The following MLLT10 variants were observed in gnomAD, a reference collection of about 807,000 sequenced individuals.
The protein encoded by MLLT10 is protein AF-10.
Under a neutral mutation model 129.1 loss-of-function variants are expected in MLLT10, and 30 were observed. That is an observed-to-expected ratio of 0.23 (90% CI 0.17 to 0.32). The LOEUF (loss-of-function observed/expected upper bound fraction) is 0.32, where lower values mean the gene tolerates loss of function less well. Among genes scored for constraint, MLLT10 ranks in the 10% least tolerant of loss-of-function variants. The pLI is 1.00. For missense variants in MLLT10, 1,119 were observed against 1,268.3 expected (o/e 0.88, Z 1.79); for synonymous variants, 490 against 446.4 (o/e 1.10, Z -1.23).
chr10:21,680,373 T>A (rs1373458235), intron 11 of MLLT10, among the ~76,000 whole-genome samples: 1 of 151,812 alleles, frequency 6.6e-6, no homozygotes, highest in Non-Finnish European at 1.5e-5. Context: ...GCCCGGCTAA[T>A]TTTTGTATTT....
At chr10:21,738,459 ATTGC>A in intron 21 of MLLT10, 1 of 1,289,028 alleles carries the variant, frequency 7.8e-7, no homozygotes, top group Non-Finnish European at 1.0e-6. Context: ...AGCACAAATT[ATTGC>A]TTGGAGACCA....
chr10:21,673,318 C>CAGTT, intron 10 of MLLT10, 32 bp from the exon 11 acceptor site: 2 of 307,336 alleles, frequency 6.5e-6, no homozygotes, highest in South Asian at 7.0e-5. Flanking sequence ...CACCCCCCAA[C>CAGTT]TTTTTTTTTT....
At chr10:21,709,490 C>G (rs982833297) in intron 13 of MLLT10, among the ~76,000 whole-genome samples, 1 of 152,140 alleles carries the variant, frequency 6.6e-6, no homozygotes, top group African/African-American at 2.4e-5. Flanking sequence ...CTCGGCCTTC[C>G]GAAGTGCTGG....
At chr10:21,533,801 C>T (rs933057190), upstream of MLLT10, among the ~76,000 whole-genome samples, 6 of 152,228 alleles carry the variant, frequency 3.9e-5, no homozygotes, top group Admixed American at 2.6e-4. Context: ...TCGCCCCACC[C>T]TCGTTTTCCA....
chr10:21,722,990 T>G (rs1270743379), intron 14 of MLLT10, among the ~76,000 whole-genome samples: 1 of 152,202 alleles, frequency 6.6e-6, no homozygotes, highest in African/African-American at 2.4e-5. Flanking sequence ...CTTTTGAAAG[T>G]CTCTTGTTTA....
intron 17 of MLLT10, among the ~76,000 whole-genome samples, chr10:21,732,108 G>T (rs887750459): frequency 3.9e-5 from 6 of 152,160 alleles, no homozygotes; most frequent in African/African-American, 1.2e-4. Context: ...ATGGGAAACG[G>T]CCAGATGTGT....
intron 8 of MLLT10, chr10:21,624,501 A>T: frequency 1.4e-6 from 1 of 717,314 alleles, no homozygotes; most frequent in African/African-American, 1.8e-5. Flanking sequence ...CTACTTAAAG[A>T]TGAAACAGTT....
intron 13 of MLLT10, among the ~76,000 whole-genome samples, chr10:21,693,771 T>C (rs1384336888): frequency 2.0e-5 from 3 of 152,212 alleles, no homozygotes; most frequent in Non-Finnish European, 2.9e-5. Flanking sequence ...AATACTGCCC[T>C]TAATGTTCTT....
chr10:21,687,750 G>A (rs2053447676), intron 13 of MLLT10, among the ~76,000 whole-genome samples: 1 of 151,796 alleles, frequency 6.6e-6, no homozygotes, highest in African/African-American at 2.4e-5. Context: ...AAATTCTAGA[G>A]AAAGGCACCT....
rs148413101 is a variant in MLLT10, at chr10:21,664,249, A to G, written c.796-6200A>G. Reference sequence around the variant, plus strand: ...TTTTAAGTTTATTGATACTTTTTTGATGCAGAACATGGATTATCTTGTTAA... The same window carrying G: ...TTTTAAGTTTATTGATACTTTTTTGGTGCAGAACATGGATTATCTTGTTAA... On this transcript the variant is annotated intron_variant, in intron 9 of 22. Transcript: ENST00000307729. Among the ~76,000 whole-genome samples the G allele has an allele frequency of 4.1e-5, 6 of 147,800 alleles. No individual in the cohort carries two copies. In the East Asian group the frequency reaches 1.2e-3, roughly 29 times the overall value.
intron 3 of MLLT10, among the ~76,000 whole-genome samples, chr10:21,577,725 C>G (rs2040936904): frequency 6.6e-6 from 1 of 151,982 alleles, no homozygotes; most frequent in South Asian, 2.1e-4. Context: ...CCCACATTAG[C>G]CTCCCAAAGT....
At chr10:21,648,482 A>G (rs2048724840) in intron 8 of MLLT10, among the ~76,000 whole-genome samples, 1 of 152,254 alleles carries the variant, frequency 6.6e-6, no homozygotes, top group Non-Finnish European at 1.5e-5. Context: ...GTTATTCAGG[A>G]TCATTCACCA....
intron 13 of MLLT10, among the ~76,000 whole-genome samples, chr10:21,712,526 C>G (rs574884327): frequency 3.3e-5 from 5 of 152,026 alleles, no homozygotes; most frequent in African/African-American, 4.8e-5. Context: ...TTATTTATTT[C>G]TTTTTTCTGC....
chr10:21,544,064 G>C (rs1179863534), intron 3 of MLLT10, among the ~76,000 whole-genome samples: 2 of 152,152 alleles, frequency 1.3e-5, no homozygotes, highest in Non-Finnish European at 2.9e-5. Flanking sequence ...TTTTATGCCA[G>C]TTACTTCATT....
intron 5 of MLLT10, among the ~76,000 whole-genome samples, chr10:21,606,685 A>G (rs752577378): frequency 6.6e-6 from 1 of 152,228 alleles, no homozygotes; most frequent in Non-Finnish European, 1.5e-5. Flanking sequence ...AATTGCTGCA[A>G]TCTCATGGTC....
intron 9 of MLLT10, among the ~76,000 whole-genome samples, chr10:21,656,431 A>C (rs1181875552): frequency 6.6e-6 from 1 of 152,218 alleles, no homozygotes; most frequent in African/African-American, 2.4e-5. Context: ...TTGAAAGTCA[A>C]GGGAACTTTA....
At chr10:21,725,718 C>CA (rs369977561) in intron 14 of MLLT10, among the ~76,000 whole-genome samples, 64,100 of 95,572 alleles carry the variant, frequency 0.67, 20,747 homozygotes, top group East Asian at 0.9. Context: ...AACTCTTTCT[C>CA]AAAAAAAAAA....
At chr10:21,736,791 G>A (rs955949077) in intron 21 of MLLT10, among the ~76,000 whole-genome samples, 1 of 152,182 alleles carries the variant, frequency 6.6e-6, no homozygotes, top group Non-Finnish European at 1.5e-5. Flanking sequence ...TGCACAGTAG[G>A]TGTCTGGAGT....
intron 7 of MLLT10, among the ~76,000 whole-genome samples, chr10:21,616,103 AAG>A (rs1474445571): frequency 6.6e-6 from 1 of 152,080 alleles, no homozygotes; most frequent in African/African-American, 2.4e-5. Context: ...CGAATTACTT[AAG>A]AGTGTGTATC....
Sources: gnomAD v4.1 joint callset for allele counts (sites outside exome capture counted in the v4.1 genomes callset) on GRCh38, gnomAD v4.1.1 for gene constraint, MANE v1.5 for transcripts, NCBI Gene and HGNC (gene_info 2026-07-23, HGNC 2026-07-21) for gene names.